The following MEF2D variants were observed in gnomAD, a reference collection of about 807,000 sequenced individuals.
MEF2D encodes the protein myocyte-specific enhancer factor 2D.
Under a neutral mutation model 59.3 loss-of-function variants are expected in MEF2D, and 10 were observed. The ratio of observed to expected loss-of-function variants is 0.17; its 90% CI spans 0.10 to 0.29. MEF2D has a LOEUF of 0.29. Among genes scored for constraint, MEF2D ranks in the 10% least tolerant of loss-of-function variants. The pLI is 1.00. For synonymous variants in MEF2D, 305 were observed against 295.0 expected (o/e 1.03, Z -0.35); for missense variants, 508 against 699.4 (o/e 0.73, Z 3.09).
intron 1 of MEF2D, among the ~76,000 whole-genome samples, chr1:156,483,915 G>A (rs1437972173): frequency 5.3e-5 from 8 of 152,164 alleles, no homozygotes; most frequent in African/African-American, 1.9e-4. Flanking sequence ...GGTGCCCCTG[G>A]CTCAAGAACA....
intron 1 of MEF2D, 118 bp from the exon 2 acceptor site, chr1:156,483,548 C>A: frequency 1.8e-6 from 1 of 568,346 alleles, no homozygotes; most frequent in Non-Finnish European, 3.1e-6. Context: ...CTGAGCTCCA[C>A]CCTCAACATG....
chr1:156,473,991 A>G (rs564934197), intron 9 of MEF2D, among the ~76,000 whole-genome samples: 1 of 151,706 alleles, frequency 6.6e-6, no homozygotes, highest in African/African-American at 2.4e-5. Context: ...TTATTCCTTC[A>G]TTCTCTTCCA....
intron 1 of MEF2D, among the ~76,000 whole-genome samples, chr1:156,498,701 T>C (rs1004447279): frequency 6.6e-6 from 1 of 151,588 alleles, no homozygotes; most frequent in Non-Finnish European, 1.5e-5. Flanking sequence ...ACAGGGTGTG[T>C]TGGCGGGGGC....
chr1:156,466,045 G>A lies in MEF2D; in HGVS notation c.*1600C>T, dbSNP rs946044650. 5 of 152,192 alleles carry A rather than the reference G, an allele frequency of 3.3e-5. No individual in the cohort carries two copies. The highest frequency in any genetic ancestry group is 7.3e-5 in the Non-Finnish European group (5 of 68,062). The allele number at this position is 152,192 out of a possible 1,614,324, so 9.4% of individuals were successfully genotyped here. On this transcript the variant is annotated 3_prime_UTR_variant, in exon 12 of 12. Coordinates refer to ENST00000348159, the MANE Select transcript of MEF2D (RefSeq NM_005920.4). ...GGCGGGGGGTGATCCTAGAGAGCAGGCTGGGGGCCTGCCCCCTCTGGTTTG... is the reference window on the plus strand; with the variant it reads ...GGCGGGGGGTGATCCTAGAGAGCAGACTGGGGGCCTGCCCCCTCTGGTTTG...
In MEF2D at chr1:156,468,227, T is replaced by C. The variant is rs1262525866; in HGVS notation, c.1320A>G (p.Ser440=). The C allele has an allele frequency of 6.2e-7, 1 of 1,607,384 alleles. No homozygotes were observed. ...GCTCACGGCTTGGGGACACCGGTTCTGACTTGATGCTGATGTGGGGGTGGG... is the reference window on the plus strand; with the variant it reads ...GCTCACGGCTTGGGGACACCGGTTCCGACTTGATGCTGATGTGGGGGTGGG... ...VTTHPHISIK[S]EPVSPSRERS... Residue 440 remains serine, a synonymous_variant, in exon 11 of 12, where the codon TCA becomes TCG. Coordinates refer to ENST00000348159, the MANE Select transcript of MEF2D (RefSeq NM_005920.4). The surrounding 1 kb of genome is among the most constrained non-coding windows in gnomAD (Gnocchi z 4.3).
chr1:156,477,007 C>G lies in MEF2D; in HGVS notation c.855+5G>C. 1 of 1,613,772 alleles carries G rather than the reference C, an allele frequency of 6.2e-7. No homozygotes were observed. Among genetic ancestry groups the G allele is most frequent in the South Asian group, 1.1e-5 (1 of 91,050 alleles). On this transcript the variant is annotated splice_donor_5th_base_variant and intron_variant, in intron 7 of 11. Coordinates refer to ENST00000348159, the MANE Select transcript of MEF2D (RefSeq NM_005920.4). Reference sequence around the variant, plus strand: ...CCCCCACCCTTGGCCCAGACACCCACTTACCAAGTGATGCATTAACCCCTT... The same window carrying G: ...CCCCCACCCTTGGCCCAGACACCCAGTTACCAAGTGATGCATTAACCCCTT...
intron 1 of MEF2D, among the ~76,000 whole-genome samples, chr1:156,488,642 G>A (rs1446097482): frequency 5.9e-5 from 9 of 152,188 alleles, no homozygotes; most frequent in Admixed American, 5.9e-4. Flanking sequence ...GTTTGGAGGG[G>A]GCATGGGAGA....
At chr1:156,480,552 C>G (rs1308162788) in intron 4 of MEF2D, 6 of 1,334,138 alleles carry the variant, frequency 4.5e-6, no homozygotes, top group Non-Finnish European at 5.0e-6. Context: ...GAGCATGGCT[C>G]AGAGCGGAGC....
At chr1:156,480,512 C>T (rs1490097772) in intron 4 of MEF2D, 5 of 915,676 alleles carry the variant, frequency 5.5e-6, no homozygotes, top group African/African-American at 5.0e-5. Flanking sequence ...TGACCAAGGT[C>T]AGAGGTTCCT....
chr1:156,467,643 C>T lies in MEF2D; in HGVS notation c.*2G>A. The stretch of plus-strand genomic sequence containing the variant: ...AGGCTGAGAGGAGGGGAGTGGGAAT[C>T]GTCACTTTAATGTCTGTGAAGAGAG... On this transcript the variant is annotated 3_prime_UTR_variant, in exon 12 of 12. Transcript: ENST00000348159. 1.5e-6 allele frequency: 2 copies of T among 1,320,762 alleles called. No individual in the cohort carries two copies. Among genetic ancestry groups the T allele is most frequent in the Admixed American group, 3.0e-5 (1 of 33,446 alleles). The allele number at this position is 1,320,762 out of a possible 1,614,324, so 81.8% of individuals were successfully genotyped here.
intron 1 of MEF2D, among the ~76,000 whole-genome samples, chr1:156,491,713 T>A (rs1368157776): frequency 6.6e-6 from 1 of 152,226 alleles, no homozygotes; most frequent in Admixed American, 6.5e-5. Flanking sequence ...GGACCAGCTC[T>A]AGAACCCAAG....
chr1:156,483,085 T>C (rs762618528), intron 2 of MEF2D, among the ~76,000 whole-genome samples, 154 bp downstream of exon 2: 10 of 151,800 alleles, frequency 6.6e-5, no homozygotes, highest in African/African-American at 1.7e-4. Flanking sequence ...TGCGAAGAGG[T>C]TGGGGTTCCT....
At chr1:156,484,592 A>C (rs1750305) in intron 1 of MEF2D, among the ~76,000 whole-genome samples, 129,373 of 151,794 alleles carry the variant, frequency 0.85, 55,736 homozygotes, top group East Asian at 1. Context: ...AAATACAGGA[A>C]CAAATGACAT....
At chr1:156,478,021 G>C (rs1671732671) in intron 6 of MEF2D, among the ~76,000 whole-genome samples, 1 of 152,214 alleles carries the variant, frequency 6.6e-6, no homozygotes, top group South Asian at 2.1e-4. Context: ...GAGGAAACTA[G>C]AGCCTGCTTG....
chr1:156,476,205 C>T (rs566186947), intron 8 of MEF2D, among the ~76,000 whole-genome samples: 1 of 152,342 alleles, frequency 6.6e-6, no homozygotes, highest in African/African-American at 2.4e-5. Flanking sequence ...GCCCACTCCC[C>T]CTCGCACACG....
chr1:156,473,715 C>G (rs1671391803), intron 9 of MEF2D, among the ~76,000 whole-genome samples: 1 of 152,190 alleles, frequency 6.6e-6, no homozygotes, highest in East Asian at 1.9e-4. Context: ...AGCCCGCGCA[C>G]TGGGTGTCCT....
chr1:156,496,825 T>A (rs534077024), intron 1 of MEF2D, among the ~76,000 whole-genome samples: 10 of 152,098 alleles, frequency 6.6e-5, no homozygotes, highest in Non-Finnish European at 1.5e-4. Flanking sequence ...CTTATCTAGC[T>A]CCCACTACTG....
chr1:156,488,355 A>G (rs1672510129), intron 1 of MEF2D, among the ~76,000 whole-genome samples: 1 of 152,228 alleles, frequency 6.6e-6, no homozygotes, highest in African/African-American at 2.4e-5. Flanking sequence ...AAGGGAGCAG[A>G]TGCCCAGAGA....
Position 156,477,023 on chromosome 1 carries a change from T to C in MEF2D, c.844A>G (p.Met282Val). 6.2e-7 allele frequency: 1 copy of C among 1,613,894 alleles called. No homozygotes were observed. The highest frequency in any genetic ancestry group is 2.2e-5 in the East Asian group (1 of 44,880). ...VITSQAGKGLMHHLTEDHLDL... is the reference protein window; with the variant it reads ...VITSQAGKGLVHHLTEDHLDL... ...AGACACCCACTTACCAAGTGATGCA[T>C]TAACCCCTTTCCTGCCTGGGAAGTG... Residue 282 changes from methionine to valine, a missense_variant, in exon 7 of 12, where the codon ATG (methionine) becomes GTG (valine). Around this residue, in one of 2 missense-constraint regions of MEF2D, gnomAD observed 481 missense variants for 584.7 expected, o/e 0.82. Transcript: ENST00000348159.
Sources: allele counts gnomAD v4.1 joint callset (sites outside exome capture counted in the v4.1 genomes callset), GRCh38; gene constraint gnomAD v4.1.1; regional missense constraint gnomAD v4.1.1; non-coding constraint Gnocchi (gnomAD v3.1); transcripts MANE v1.5; gene names NCBI Gene and HGNC (gene_info 2026-07-23, HGNC 2026-07-21).